Variants in PDCD2L observed in about 807,000 individuals in gnomAD.
The protein encoded by PDCD2L is uS5 assembly chaperone PDCD2L.
A neutral mutation model predicts 40.4 loss-of-function variants in PDCD2L; 44 were observed. The observed-to-expected ratio is 1.09, with a 90% CI of 0.86 to 1.40. The LOEUF (loss-of-function observed/expected upper bound fraction) is 1.40, where lower values mean the gene tolerates loss of function less well. PDCD2L is among the 40% of genes most tolerant of loss of function. PDCD2L has a pLI of 0.00. For missense variants in PDCD2L, 470 were observed against 453.7 expected, an observed-to-expected ratio of 1.04 and a Z score of -0.33; for synonymous variants, 194 against 174.6, an observed-to-expected ratio of 1.11 and a Z score of -0.88.
rs1180503943 is a variant in PDCD2L at position 34,404,812 on chromosome 19, G to T, written c.272G>T (p.Arg91Leu). Residue 91 changes from arginine (R) to leucine (L), a missense_variant, in exon 2 of 7, where the codon CGC becomes CTC. Transcript: ENST00000246535. ...CCCGGCTGTAGCACCGGCGGTGCGC[G>T]CAGGTAGGCGGGGAAGTCCCAGAGC... ...ACPGCSTGGA[R>L]SWKVFRSQCL... is the part of the protein sequence containing the mutation. 1.9e-6 allele frequency: 3 copies of T among 1,602,870 alleles called. No individual in the cohort carries two copies. The highest frequency in any genetic ancestry group is 4.5e-5 in the East Asian group (2 of 44,450).
chr19:34,426,140 ATAAAT>A lies in PDCD2L; in HGVS notation c.*25_*29del. Reference sequence around the variant, plus strand: ...AAGTAGAGCATTTCCTTTTATTAATATAAATTAAAACAAATGTTTACATCCAAATA... The same window carrying A: ...AAGTAGAGCATTTCCTTTTATTAATATAAAACAAATGTTTACATCCAAATA... On this transcript the variant is annotated 3_prime_UTR_variant, in exon 7 of 7. Coordinates refer to ENST00000246535, the MANE Select transcript of PDCD2L (RefSeq NM_032346.2). 1 of 1,489,798 alleles carries A rather than the reference ATAAAT, an allele frequency of 6.7e-7. No individual in the cohort carries two copies. The highest frequency in any genetic ancestry group is 9.3e-7 in the Non-Finnish European group (1 of 1,077,626). The allele number at this position is 1,489,798 out of a possible 1,614,324, so 92.3% of individuals were successfully genotyped here.
intron 5 of PDCD2L, 53 bp from the exon 6 acceptor site, chr19:34,421,466 T>G (rs1261313389): frequency 6.2e-7 from 1 of 1,600,442 alleles, no homozygotes; most frequent in Admixed American, 1.7e-5. Flanking sequence ...CCTTAGATGC[T>G]AGAATGCGAC....
In PDCD2L at chr19:34,421,390, A is replaced by G. The variant is rs1196654049; in HGVS notation, c.798-129A>G. On this transcript the variant is annotated intron_variant, in intron 5 of 6. Transcript: ENST00000246535. ...AGATATCTTGCTATGCTTTACAGCC[A>G]TGGTGCTAGGTTTTTGGGCCTCTGG... is the stretch of plus-strand genomic sequence containing the variant. 3.0e-6 allele frequency: 3 copies of G among 1,009,934 alleles called. No homozygotes were observed. The African/African-American group carries it at 4.8e-5, about 16-fold the overall frequency. 62.6% of individuals were successfully genotyped at this position (1,009,934 alleles called of 1,614,324 possible).
intron 4 of PDCD2L, among the ~76,000 whole-genome samples, chr19:34,411,001 T>G (rs1408910262): frequency 6.6e-6 from 1 of 151,516 alleles, no homozygotes; most frequent in Non-Finnish European, 1.5e-5. Context: ...ACCAGGATAG[T>G]CTCAATCTCT....
rs1335645793 is a variant in PDCD2L, at chr19:34,422,158, T to G, written c.946+491T>G. ...TTTTTTTAATATTTATTGATTGATT[T>G]ATTTATTGAGATGGAGTCTCTCTCT... On this transcript the variant is annotated intron_variant, in intron 6 of 6. Coordinates refer to ENST00000246535, the MANE Select transcript of PDCD2L (RefSeq NM_032346.2). 2.8e-4 allele frequency: 42 copies of G among 151,178 alleles called. 1 individual carries two copies. Among genetic ancestry groups the G allele is most frequent in the Admixed American group, 1.5e-3 (23 of 15,108 alleles). The allele number at this position is 151,178 out of a possible 1,614,324, so 9.4% of individuals were successfully genotyped here.
Position 34,409,342 on chromosome 19 carries a change from G to GT in PDCD2L, c.519dup (p.Ala174CysfsTer22). ...CTCCGCCTGCAGGATGCTGTCCTGG[G>GT]TGCTGCCCATCCTGTGCCTCCTGGG... On this transcript the variant is annotated frameshift_variant, in exon 4 of 7. Transcript: ENST00000246535. LOFTEE classifies it high-confidence loss of function. 6.8e-6 allele frequency: 11 copies of GT among 1,613,878 alleles called. 1 individual carries two copies. Among genetic ancestry groups the GT allele is most frequent in the Non-Finnish European group, 9.3e-6 (11 of 1,179,980 alleles).
chr19:34,424,745 A>ATTT (rs34350684), intron 6 of PDCD2L, among the ~76,000 whole-genome samples: 25,855 of 130,596 alleles, frequency 0.2, 3,507 homozygotes, highest in East Asian at 0.49. Context: ...CCATTTTTTC[A>ATTT]TTTTTTTTTT....
At chr19:34,420,930 G>T (rs1387018075) in intron 5 of PDCD2L, among the ~76,000 whole-genome samples, 2 of 152,176 alleles carry the variant, frequency 1.3e-5, no homozygotes, top group Admixed American at 1.3e-4. Flanking sequence ...GTGGGGCATG[G>T]TTTTGGGATG....
intron 4 of PDCD2L, among the ~76,000 whole-genome samples, chr19:34,412,765 A>G (rs1599871946): frequency 6.7e-6 from 1 of 149,002 alleles, no homozygotes. Flanking sequence ...TTTAACTTTG[A>G]CAGTTTTTTT....
At chr19:34,407,613 T>TA (rs1166773878) in intron 3 of PDCD2L, among the ~76,000 whole-genome samples, 2 of 151,990 alleles carry the variant, frequency 1.3e-5, no homozygotes, top group Non-Finnish European at 2.9e-5. Context: ...TTTTTTTTTT[T>TA]AAGGGTGAAA....
chr19:34,424,379 A>G lies in PDCD2L; in HGVS notation c.947-1611A>G, dbSNP rs773286178. Among the ~76,000 whole-genome samples, 11 of 152,314 alleles carry G rather than the reference A, an allele frequency of 7.2e-5. 1 individual carries two copies. The highest frequency in any genetic ancestry group is 4.1e-4 in the South Asian group (2 of 4,826). ...CGAAGAAAGAATTTGACCGAGGCAC[A>G]TAAGACAGAGGAGAGACCGAAGCAA... On this transcript the variant is annotated intron_variant, in intron 6 of 6. Coordinates refer to ENST00000246535, the MANE Select transcript of PDCD2L (RefSeq NM_032346.2).
At chr19:34,404,884 T>C (rs367925417) in intron 2 of PDCD2L, 46 bp from the exon 3 acceptor site, 704 of 1,611,854 alleles carry the variant, frequency 4.4e-4, no homozygotes, top group African/African-American at 1.2e-3. Context: ...GCCGGCGGGC[T>C]GGAGTCGGGG....
intron 4 of PDCD2L, among the ~76,000 whole-genome samples, chr19:34,410,472 G>A (rs1417197508): frequency 1.3e-5 from 2 of 151,996 alleles, no homozygotes; most frequent in African/African-American, 4.8e-5. Context: ...GGCTGGTCTC[G>A]AACTCCTGAC....
chr19:34,421,027 T>A (rs1337463385), intron 5 of PDCD2L, among the ~76,000 whole-genome samples: 3 of 152,198 alleles, frequency 2.0e-5, no homozygotes, highest in Non-Finnish European at 2.9e-5. Flanking sequence ...CACAATAGGA[T>A]TTGCGCTCCT....
Position 34,404,825 on chromosome 19 carries a change from G to T in PDCD2L, c.275+10G>T. 1.2e-6 allele frequency: 2 copies of T among 1,602,920 alleles called. No homozygotes were observed. The highest frequency in any genetic ancestry group is 4.5e-5 in the East Asian group (2 of 44,450). Reference sequence around the variant, plus strand: ...CCGGCGGTGCGCGCAGGTAGGCGGGGAAGTCCCAGAGCTGCTCCAGGGGTG... The same window carrying T: ...CCGGCGGTGCGCGCAGGTAGGCGGGTAAGTCCCAGAGCTGCTCCAGGGGTG... On this transcript the variant is annotated intron_variant, in intron 2 of 6. Coordinates refer to ENST00000246535, the MANE Select transcript of PDCD2L (RefSeq NM_032346.2).
At chr19:34,424,794 G>C (rs1429350024) in intron 6 of PDCD2L, among the ~76,000 whole-genome samples, 1 of 143,996 alleles carries the variant, frequency 6.9e-6, no homozygotes, top group African/African-American at 2.5e-5. Flanking sequence ...GCCCAGGCTG[G>C]AGTGCAGTGG....
At chr19:34,417,634 G>A (rs2075131996) in intron 5 of PDCD2L, among the ~76,000 whole-genome samples, 1 of 151,406 alleles carries the variant, frequency 6.6e-6, no homozygotes. Context: ...AAAAAGTTAA[G>A]GAACATAATA....
At chr19:34,407,511 A>G (rs2075082406) in intron 3 of PDCD2L, among the ~76,000 whole-genome samples, 1 of 152,192 alleles carries the variant, frequency 6.6e-6, no homozygotes, top group Non-Finnish European at 1.5e-5. Context: ...ATATAAGTGA[A>G]TACATGCAGC....
intron 5 of PDCD2L, 88 bp from the exon 6 acceptor site, chr19:34,421,431 A>G: frequency 6.7e-7 from 1 of 1,483,276 alleles, no homozygotes; most frequent in Non-Finnish European, 9.2e-7. Context: ...TTCTGCAAGA[A>G]ACAAAGAAAG....
Sources: allele counts gnomAD v4.1 joint callset (sites outside exome capture counted in the v4.1 genomes callset), GRCh38; gene constraint gnomAD v4.1.1; transcripts MANE v1.5; gene names NCBI Gene and HGNC (gene_info 2026-07-23, HGNC 2026-07-21).